FRMD4B: variants seen among roughly 807,000 people sequenced by gnomAD.
FRMD4B encodes FERM domain containing 4B, also known as FERM domain-containing protein 4B.
A neutral mutation model predicts 141.5 loss-of-function variants in FRMD4B; 74 were observed. That is an observed-to-expected ratio of 0.52 (90% CI 0.43 to 0.63). The LOEUF is 0.63. FRMD4B is among the 30% of genes least tolerant of loss of function. The probability of loss-of-function intolerance (pLI) is 0.00; values close to 1 mark genes in which losing one functional copy is unlikely to be tolerated. For missense variants in FRMD4B, 1,366 were observed against 1,253.4 expected (o/e 1.09, Z -1.36); for synonymous variants, 506 against 467.9 (o/e 1.08, Z -1.05).
chr3:69,418,110 G>C (rs1704901077), intron 2 of FRMD4B, among the ~76,000 whole-genome samples: 1 of 152,140 alleles, frequency 6.6e-6, no homozygotes, highest in Non-Finnish European at 1.5e-5. Context: ...AACATTTACA[G>C]GTTCCAGGGA....
chr3:69,326,496 T>C (rs529645412), intron 1 of FRMD4B, among the ~76,000 whole-genome samples: 2 of 152,354 alleles, frequency 1.3e-5, no homozygotes, highest in African/African-American at 4.8e-5. Flanking sequence ...ATTCCTTTGT[T>C]CTCATCTCCA....
intron 4 of FRMD4B, among the ~76,000 whole-genome samples, chr3:69,301,644 T>C (rs762399721): frequency 2.0e-5 from 3 of 152,206 alleles, no homozygotes; most frequent in Admixed American, 2.0e-4. Flanking sequence ...TTACATCTTA[T>C]AACATTTTAT....
At chr3:69,456,961 TAGAGAA>T (rs1705626503) in intron 1 of FRMD4B, among the ~76,000 whole-genome samples, 1 of 152,194 alleles carries the variant, frequency 6.6e-6, no homozygotes, top group African/African-American at 2.4e-5. Flanking sequence ...TGTGGCCCTG[TAGAGAA>T]AAAGTTTGCA....
At chr3:69,293,880 C>CAAAAAAAAAAAAAAAAAAA (rs10699871) in intron 4 of FRMD4B, among the ~76,000 whole-genome samples, 1 of 74,440 alleles carries the variant, frequency 1.3e-5, no homozygotes, top group African/African-American at 6.0e-5. Context: ...GATTCTGCCT[C>CAAAAAAAAAAAAAAAAAAA]AAAAAAAAAA....
chr3:69,307,812 A>C (rs1305670147), intron 3 of FRMD4B, among the ~76,000 whole-genome samples: 1 of 152,108 alleles, frequency 6.6e-6, no homozygotes, highest in Non-Finnish European at 1.5e-5. Context: ...CTGACACTGC[A>C]AGTCAAAGCC....
intron 1 of FRMD4B, among the ~76,000 whole-genome samples, chr3:69,486,297 T>C (rs192498832): frequency 6.6e-6 from 1 of 152,310 alleles, no homozygotes; most frequent in African/African-American, 2.4e-5. Context: ...TAGTGATCTG[T>C]GAGATTTTGG....
chr3:69,179,654 A>T (rs559887632), intron 21 of FRMD4B, among the ~76,000 whole-genome samples: 1 of 152,276 alleles, frequency 6.6e-6, no homozygotes, highest in East Asian at 1.9e-4. Flanking sequence ...ACTATTATAC[A>T]ATGACTCAGG....
intron 1 of FRMD4B, among the ~76,000 whole-genome samples, chr3:69,380,385 A>G (rs1704084833): frequency 6.6e-6 from 1 of 152,196 alleles, no homozygotes. Flanking sequence ...TAAAAGCAAT[A>G]GTAATGCCCC....
intron 11 of FRMD4B, among the ~76,000 whole-genome samples, chr3:69,202,958 T>TA (rs945681612): frequency 4.8e-4 from 73 of 151,984 alleles, no homozygotes; most frequent in African/African-American, 1.7e-3. Context: ...AACCTTATCT[T>TA]AAAAAAACAA....
At chr3:69,280,889 G>T (rs1414795590) in intron 5 of FRMD4B, among the ~76,000 whole-genome samples, 2 of 152,044 alleles carry the variant, frequency 1.3e-5, no homozygotes, top group African/African-American at 4.8e-5. Context: ...GAAGTGCTGG[G>T]ATTACAGGCA....
At chr3:69,284,593 A>T (rs1328613209) in intron 5 of FRMD4B, among the ~76,000 whole-genome samples, 1 of 152,196 alleles carries the variant, frequency 6.6e-6, no homozygotes. Context: ...AAACATCAAG[A>T]ATATTTATAG....
chr3:69,403,615 C>T (rs10510973), intron 2 of FRMD4B, among the ~76,000 whole-genome samples: 1 of 152,016 alleles, frequency 6.6e-6, no homozygotes, highest in African/African-American at 2.4e-5. Flanking sequence ...GAAAACTTCA[C>T]AGAGAGGAGA....
chr3:69,266,014 T>G (rs1329497675), intron 5 of FRMD4B, among the ~76,000 whole-genome samples: 4 of 150,542 alleles, frequency 2.7e-5, no homozygotes, highest in Admixed American at 2.7e-4. Flanking sequence ...CTGGGCAACA[T>G]AGTGAGACCC....
intron 5 of FRMD4B, among the ~76,000 whole-genome samples, chr3:69,258,543 T>C (rs2093506681): frequency 6.6e-6 from 1 of 152,206 alleles, no homozygotes. Flanking sequence ...AATATCACCT[T>C]TACTGGTTTG....
chr3:69,353,660 C>G, intron 1 of FRMD4B: 1 of 983,542 alleles, frequency 1.0e-6, no homozygotes, highest in South Asian at 4.7e-5. Context: ...CGTGTGTGTG[C>G]GCGCATGTGC....
chr3:69,300,710 G>T (rs908761935), intron 4 of FRMD4B, among the ~76,000 whole-genome samples: 3 of 152,218 alleles, frequency 2.0e-5, no homozygotes, highest in African/African-American at 7.2e-5. Context: ...GTGCAAGGAT[G>T]TTAGGTGCAA....
chr3:69,217,931 T>C (rs906747648), intron 10 of FRMD4B, among the ~76,000 whole-genome samples: 3 of 152,176 alleles, frequency 2.0e-5, no homozygotes, highest in Admixed American at 6.6e-5. Context: ...GAAAATACAG[T>C]GTATGTAATA....
At chr3:69,515,332 G>A (rs1320489851) in intron 1 of FRMD4B, among the ~76,000 whole-genome samples, 1 of 152,146 alleles carries the variant, frequency 6.6e-6, no homozygotes, top group East Asian at 1.9e-4. Context: ...CATGAGATTT[G>A]GGTGGGGCCA....
chr3:69,236,304 C>T (rs1447655355), intron 7 of FRMD4B, among the ~76,000 whole-genome samples: 1 of 151,408 alleles, frequency 6.6e-6, no homozygotes, highest in Admixed American at 6.6e-5. Context: ...TCTCAGCTCA[C>T]TGCAAGCTCC....
Sources: allele counts gnomAD v4.1 joint callset (sites outside exome capture counted in the v4.1 genomes callset), GRCh38; gene constraint gnomAD v4.1.1; transcripts MANE v1.5; gene names NCBI Gene and HGNC (gene_info 2026-07-23, HGNC 2026-07-21).